Variants in FBXL17 observed in about 807,000 individuals in gnomAD.
FBXL17 encodes the protein F-box and leucine rich repeat protein 17, also known as F-box/LRR-repeat protein 17.
In FBXL17, 22 loss-of-function variants were observed where a neutral mutation model predicts 66.2. The observed-to-expected ratio is 0.33, with a 90% CI of 0.24 to 0.47. FBXL17 has a LOEUF of 0.47. FBXL17 is among the 20% of genes least tolerant of loss of function. The pLI is 1.00. For missense variants in FBXL17, 878 were observed against 948.2 expected, an observed-to-expected ratio of 0.93 and a Z score of 0.97; for synonymous variants, 474 against 400.5, an observed-to-expected ratio of 1.18 and a Z score of -2.19.
At chr5:108,078,049 A>T (rs980822102) in intron 6 of FBXL17, among the ~76,000 whole-genome samples, 1 of 152,280 alleles carries the variant, frequency 6.6e-6, no homozygotes, top group South Asian at 2.1e-4. Flanking sequence ...GCGCTAGAAA[A>T]ACTAGTCTAT....
At chr5:108,339,617 T>TG (rs1746746699) in intron 4 of FBXL17, among the ~76,000 whole-genome samples, 1 of 150,910 alleles carries the variant, frequency 6.6e-6, no homozygotes, top group South Asian at 2.1e-4. Context: ...ACTATGTATG[T>TG]GGGGAAAAAA....
chr5:108,309,368 T>A (rs572067237), intron 4 of FBXL17, among the ~76,000 whole-genome samples: 45 of 152,082 alleles, frequency 3.0e-4, no homozygotes, highest in African/African-American at 1.0e-3. Flanking sequence ...TCTGTAAAAG[T>A]ACACTTTTAA....
chr5:107,936,856 A>G (rs550000886), intron 7 of FBXL17, among the ~76,000 whole-genome samples: 1 of 152,290 alleles, frequency 6.6e-6, no homozygotes, highest in East Asian at 1.9e-4. Context: ...ATTATAAATT[A>G]CAACAGAAAC....
intron 5 of FBXL17, among the ~76,000 whole-genome samples, chr5:108,211,173 G>A (rs1343070532): frequency 6.6e-6 from 1 of 152,054 alleles, no homozygotes; most frequent in African/African-American, 2.4e-5. Context: ...CATTTGCTTG[G>A]TAAATATTCC....
chr5:107,943,720 T>G (rs766350427), intron 7 of FBXL17, among the ~76,000 whole-genome samples: 13 of 152,168 alleles, frequency 8.5e-5, no homozygotes, highest in Non-Finnish European at 1.9e-4. Flanking sequence ...CTTTATGTAT[T>G]ATCAATGACT....
At chr5:108,309,611 T>C (rs984133498) in intron 4 of FBXL17, among the ~76,000 whole-genome samples, 1 of 152,082 alleles carries the variant, frequency 6.6e-6, no homozygotes, top group African/African-American at 2.4e-5. Context: ...ATTTGATTAT[T>C]TATCTTAGAA....
chr5:107,976,881 T>C (rs1752599430), intron 7 of FBXL17, among the ~76,000 whole-genome samples: 1 of 152,174 alleles, frequency 6.6e-6, no homozygotes, highest in Non-Finnish European at 1.5e-5. Context: ...GAGGGAGAAT[T>C]ATAAGTATTA....
At chr5:108,155,609 T>C (rs556482372) in intron 6 of FBXL17, among the ~76,000 whole-genome samples, 21 of 152,304 alleles carry the variant, frequency 1.4e-4, no homozygotes, top group African/African-American at 4.8e-4. Flanking sequence ...ATGAGCAACA[T>C]TTTGACTAGC....
intron 7 of FBXL17, among the ~76,000 whole-genome samples, chr5:107,937,964 A>G (rs1022003999): frequency 6.6e-6 from 1 of 152,156 alleles, no homozygotes; most frequent in South Asian, 2.1e-4. Context: ...CTTCTCCTAC[A>G]TGGCTAGAGA....
Position 108,306,782 on chromosome 5 carries a change from T to C in FBXL17, c.1506+41617A>G, listed in dbSNP as rs1057162648. 2.0e-5 allele frequency among the ~76,000 whole-genome samples: 3 copies of C among 152,008 alleles called. No homozygotes were observed. In the East Asian group the frequency reaches 5.8e-4, roughly 29 times the overall value. The stretch of plus-strand genomic sequence containing the variant: ...TTAACTTGGGTACAATTTGCAGGTC[T>C]TATATAAAAAGAAACTGAACCTTCA... On this transcript the variant is annotated intron_variant, in intron 4 of 8. Transcript: ENST00000542267.
intron 6 of FBXL17, among the ~76,000 whole-genome samples, chr5:108,074,647 C>T (rs757992144): frequency 6.6e-6 from 1 of 152,204 alleles, no homozygotes; most frequent in African/African-American, 2.4e-5. Context: ...CACCACTCAC[C>T]TCTCTTCTGC....
intron 4 of FBXL17, among the ~76,000 whole-genome samples, chr5:108,248,368 C>T (rs1756200593): frequency 6.6e-6 from 1 of 152,006 alleles, no homozygotes; most frequent in Admixed American, 6.6e-5. Context: ...ACAGAGGAGT[C>T]AGTGAACCTG....
intron 7 of FBXL17, among the ~76,000 whole-genome samples, chr5:107,950,758 T>C (rs1431245275): frequency 6.6e-6 from 1 of 152,148 alleles, no homozygotes; most frequent in African/African-American, 2.4e-5. Flanking sequence ...AACCTCAAAA[T>C]AGGTAATTGA....
chr5:108,227,251 C>T (rs2150080434), intron 4 of FBXL17, among the ~76,000 whole-genome samples: 2 of 152,242 alleles, frequency 1.3e-5, no homozygotes, highest in Non-Finnish European at 2.9e-5. Context: ...GCCCCCAGTG[C>T]TTCAAAGAAG....
At chr5:108,138,295 C>G (rs1017034459) in intron 6 of FBXL17, among the ~76,000 whole-genome samples, 1 of 152,212 alleles carries the variant, frequency 6.6e-6, no homozygotes, top group African/African-American at 2.4e-5. Context: ...TTCTCTCACA[C>G]ATCTGGCCAA....
At chr5:107,953,199 G>A (rs1325648737) in intron 7 of FBXL17, among the ~76,000 whole-genome samples, 3 of 151,900 alleles carry the variant, frequency 2.0e-5, no homozygotes, top group African/African-American at 4.8e-5. Flanking sequence ...TCAGGAGATC[G>A]AGACCATCCT....
At chr5:107,952,407 T>G (rs1751526244) in intron 7 of FBXL17, among the ~76,000 whole-genome samples, 1 of 152,218 alleles carries the variant, frequency 6.6e-6, no homozygotes, top group African/African-American at 2.4e-5. Context: ...GGGATAAAGT[T>G]TACTTGTTAT....
At chr5:108,125,767 T>C (rs1750673433) in intron 6 of FBXL17, among the ~76,000 whole-genome samples, 1 of 152,144 alleles carries the variant, frequency 6.6e-6, no homozygotes, top group Admixed American at 6.5e-5. Flanking sequence ...TGATCCTTTT[T>C]AAGCTGGATG....
At chr5:108,183,918 CAA>C (rs1561452120) in intron 6 of FBXL17, among the ~76,000 whole-genome samples, 2 of 151,994 alleles carry the variant, frequency 1.3e-5, no homozygotes, top group Admixed American at 6.6e-5. Flanking sequence ...TATTCAAAAA[CAA>C]GAGAGAATTT....
Sources: allele counts gnomAD v4.1 joint callset (sites outside exome capture counted in the v4.1 genomes callset), GRCh38; gene constraint gnomAD v4.1.1; transcripts MANE v1.5; gene names NCBI Gene and HGNC (gene_info 2026-07-23, HGNC 2026-07-21).